Variants in VTI1A observed in about 807,000 individuals in gnomAD.
VTI1A encodes vesicle transport through interaction with t-SNAREs homolog 1A.
Under a neutral mutation model 34.9 loss-of-function variants are expected in VTI1A, and 22 were observed. The ratio of observed to expected loss-of-function variants is 0.63; its 90% CI spans 0.45 to 0.90. The LOEUF (loss-of-function observed/expected upper bound fraction) is 0.90, where lower values mean the gene tolerates loss of function less well. Ranked by LOEUF, VTI1A falls within the 40% of genes least tolerant of loss-of-function variation. The probability of loss-of-function intolerance (pLI) is 0.00; values close to 1 mark genes in which losing one functional copy is unlikely to be tolerated. For missense variants in VTI1A, 268 were observed against 275.6 expected (o/e 0.97, Z 0.20); for synonymous variants, 87 against 97.3 (o/e 0.89, Z 0.62).
At chr10:112,825,348 A>G in the VTI1A span, 1 of 152,332 alleles carries the variant, frequency 6.6e-6, no homozygotes, top group East Asian at 1.9e-4. Flanking sequence ...GGGGACAAGC[A>G]CACCCCACAG....
chr10:112,595,862 C>T (rs563378564), intron 5 of VTI1A, among the ~76,000 whole-genome samples: 226 of 152,184 alleles, frequency 1.5e-3, no homozygotes, highest in Non-Finnish European at 2.4e-3. Flanking sequence ...CACATGCACC[C>T]GTATGTTTAT....
rs540802398 is a variant in VTI1A at position 112,506,837 on chromosome 10, T to G, written c.265-20250T>G. Reference sequence around the variant, plus strand: ...TGCAGCTTTTATCTGTCTGAAACATTTATTTATTTCACCATCATGTTTGAA... The same window carrying G: ...TGCAGCTTTTATCTGTCTGAAACATGTATTTATTTCACCATCATGTTTGAA... On this transcript the variant is annotated intron_variant, in intron 3 of 7. Transcript: ENST00000393077. 9.8e-5 allele frequency among the ~76,000 whole-genome samples: 15 copies of G among 152,300 alleles called. 1 individual carries two copies. The highest frequency in any genetic ancestry group is 2.1e-4 in the South Asian group (1 of 4,826).
intron 7 of VTI1A, among the ~76,000 whole-genome samples, chr10:112,805,383 C>T (rs1853037423): frequency 6.6e-6 from 1 of 152,182 alleles, no homozygotes; most frequent in South Asian, 2.1e-4. Flanking sequence ...TATTGGAACA[C>T]AGCCATGCTT....
At chr10:112,789,225 C>T (rs938575472) in intron 7 of VTI1A, among the ~76,000 whole-genome samples, 1 of 116,506 alleles carries the variant, frequency 8.6e-6, no homozygotes, top group Non-Finnish European at 1.7e-5. Context: ...TACAGCAAGT[C>T]TACTAAAAAA....
At chr10:112,641,929 CAG>C (rs908866511) in intron 5 of VTI1A, among the ~76,000 whole-genome samples, 4 of 152,154 alleles carry the variant, frequency 2.6e-5, no homozygotes, top group Admixed American at 2.0e-4. Flanking sequence ...TGACCGGAAA[CAG>C]GGTACCATTG....
intron 1 of VTI1A, among the ~76,000 whole-genome samples, chr10:112,457,704 C>T (rs1004614273): frequency 1.3e-5 from 2 of 152,012 alleles, no homozygotes; most frequent in African/African-American, 4.8e-5. Flanking sequence ...ATGAAATTGC[C>T]CAGGGACATA....
chr10:112,833,053 G>C, the VTI1A span, among the ~76,000 whole-genome samples: 3 of 151,774 alleles, frequency 2.0e-5, no homozygotes, highest in Non-Finnish European at 4.4e-5. Context: ...CCTGTCAGTG[G>C]ATCAGAAGAG....
chr10:112,764,595 T>C (rs1050877385), intron 7 of VTI1A, among the ~76,000 whole-genome samples: 3 of 152,206 alleles, frequency 2.0e-5, no homozygotes, highest in African/African-American at 7.2e-5. Context: ...TTTTGCTGAG[T>C]ATCTGTCTAG....
intron 5 of VTI1A, among the ~76,000 whole-genome samples, chr10:112,575,030 C>T (rs564479230): frequency 2.7e-3 from 414 of 152,272 alleles, no homozygotes; most frequent in Non-Finnish European, 4.4e-3. Context: ...GTTTACACAG[C>T]CAGGTAGTGG....
At chr10:112,734,385 T>TC (rs1850380998) in intron 7 of VTI1A, among the ~76,000 whole-genome samples, 1 of 152,038 alleles carries the variant, frequency 6.6e-6, no homozygotes, top group Non-Finnish European at 1.5e-5. Flanking sequence ...ATTCTTCCTC[T>TC]CCCCACAAAT....
At chr10:112,613,459 C>T (rs977375002) in intron 5 of VTI1A, among the ~76,000 whole-genome samples, 2 of 152,120 alleles carry the variant, frequency 1.3e-5, no homozygotes, top group Non-Finnish European at 2.9e-5. Context: ...ACTTCCTATG[C>T]TGTATTTCTT....
At chr10:112,465,196 A>G (rs1032985347) in intron 3 of VTI1A, among the ~76,000 whole-genome samples, 1 of 152,344 alleles carries the variant, frequency 6.6e-6, no homozygotes, top group African/African-American at 2.4e-5. Flanking sequence ...TTAATTGCCC[A>G]TGAGAATATG....
At chr10:112,624,680 T>C (rs978064634) in intron 5 of VTI1A, among the ~76,000 whole-genome samples, 4 of 152,244 alleles carry the variant, frequency 2.6e-5, no homozygotes, top group Non-Finnish European at 5.9e-5. Context: ...AGCAGTTTGC[T>C]GCTGTTGTTG....
At chr10:112,668,531 G>C (rs958359444) in intron 6 of VTI1A, among the ~76,000 whole-genome samples, 9 of 152,132 alleles carry the variant, frequency 5.9e-5, no homozygotes, top group African/African-American at 2.2e-4. Context: ...GAAGGTCACT[G>C]AGGGAGATTT....
At chr10:112,487,900 G>A (rs1848698640) in intron 3 of VTI1A, among the ~76,000 whole-genome samples, 1 of 152,160 alleles carries the variant, frequency 6.6e-6, no homozygotes, top group Non-Finnish European at 1.5e-5. Context: ...TATATTGGTA[G>A]TAATTTGGTA....
intron 5 of VTI1A, among the ~76,000 whole-genome samples, chr10:112,576,299 CGT>C (rs1843709980): frequency 6.6e-6 from 1 of 150,958 alleles, no homozygotes; most frequent in East Asian, 2.0e-4. Context: ...GGATTACAGG[CGT>C]GAGCCACCGC....
At chr10:112,563,629 G>A (rs1851807177) in intron 5 of VTI1A, among the ~76,000 whole-genome samples, 1 of 152,158 alleles carries the variant, frequency 6.6e-6, no homozygotes, top group Non-Finnish European at 1.5e-5. Flanking sequence ...AGAAAATAGT[G>A]TCATTGACAA....
intron 5 of VTI1A, among the ~76,000 whole-genome samples, chr10:112,617,794 G>T (rs1845561746): frequency 6.6e-6 from 1 of 151,908 alleles, no homozygotes; most frequent in Non-Finnish European, 1.5e-5. Flanking sequence ...GCCAAAAAAA[G>T]GAAACAAATT....
chr10:112,630,012 T>C lies in VTI1A; in HGVS notation c.428-38206T>C, dbSNP rs556865534. Among the ~76,000 whole-genome samples the C allele has an allele frequency of 2.0e-5, 3 of 152,330 alleles. No homozygotes were observed. In the South Asian group the frequency reaches 6.2e-4, roughly 32 times the overall value. The stretch of plus-strand genomic sequence containing the variant: ...CTGAGAGTAGAGTTGAGAGGGACTC[T>C]AGTATGTTAAAGAAACACATTAATT... On this transcript the variant is annotated intron_variant, in intron 5 of 7. Transcript: ENST00000393077.
Sources: gnomAD v4.1 joint callset for allele counts (sites outside exome capture counted in the v4.1 genomes callset) on GRCh38, gnomAD v4.1.1 for gene constraint, MANE v1.5 for transcripts, NCBI Gene and HGNC (gene_info 2026-07-23, HGNC 2026-07-21) for gene names.